The following DOCK8 variants were observed in gnomAD, a reference collection of about 807,000 sequenced individuals.
DOCK8 encodes dedicator of cytokinesis protein 8.
DOCK8 carries 141 observed loss-of-function variants against 245.6 expected under a neutral mutation model. That is an observed-to-expected ratio of 0.57 (90% CI 0.50 to 0.66). DOCK8 has a LOEUF of 0.66. Ranked by LOEUF, DOCK8 falls within the 30% of genes least tolerant of loss-of-function variation. DOCK8 has a pLI of 0.00. For synonymous variants in DOCK8, 1,168 were observed against 970.2 expected (o/e 1.20, Z -3.79); for missense variants, 2,965 against 2,603.4 (o/e 1.14, Z -3.02).
chr9:459,849 A>C (rs2057749540), intron 46 of DOCK8: 1 of 152,248 alleles, frequency 6.6e-6, no homozygotes, highest in African/African-American at 2.4e-5. Flanking sequence ...TAGACTTGTC[A>C]CAGGATGGTT....
At chr9:370,062 C>G (rs2053214754) in intron 15 of DOCK8, 168 bp from the exon 16 acceptor site, 2 of 670,524 alleles carry the variant, frequency 3.0e-6, no homozygotes, top group South Asian at 3.3e-5. Context: ...GCCGACCTCC[C>G]AGAGTGCTGA....
At chr9:225,003 A>G (rs1563820508) in intron 1 of DOCK8, among the ~76,000 whole-genome samples, 1 of 152,178 alleles carries the variant, frequency 6.6e-6, no homozygotes. Flanking sequence ...ACCTGGTCTC[A>G]CAGATCCCCT....
At chr9:398,358 G>A (rs747678293) in intron 25 of DOCK8, among the ~76,000 whole-genome samples, 2 of 152,210 alleles carry the variant, frequency 1.3e-5, no homozygotes, top group Non-Finnish European at 2.9e-5. Context: ...TGACTGGTCA[G>A]CATGGCCTGA....
At chr9:342,000 C>A (rs956017781) in intron 14 of DOCK8, among the ~76,000 whole-genome samples, 2 of 152,226 alleles carry the variant, frequency 1.3e-5, no homozygotes, top group African/African-American at 2.4e-5. Context: ...CAGATGGGAC[C>A]CTCTAATTGC....
intron 14 of DOCK8, among the ~76,000 whole-genome samples, chr9:343,866 T>TC (rs1176523277): frequency 2.2e-4 from 33 of 152,230 alleles, no homozygotes; most frequent in Non-Finnish European, 2.6e-4. Context: ...TTATTCAACT[T>TC]CCCCTCAGCA....
At chr9:429,095 G>T (rs960718490) in intron 35 of DOCK8, among the ~76,000 whole-genome samples, 2 of 152,168 alleles carry the variant, frequency 1.3e-5, no homozygotes, top group Non-Finnish European at 2.9e-5. Flanking sequence ...AGCCTCCTGA[G>T]TATTGGGATT....
chr9:425,388 C>T (rs1007024253), intron 33 of DOCK8, among the ~76,000 whole-genome samples: 18 of 151,948 alleles, frequency 1.2e-4, no homozygotes, highest in African/African-American at 2.9e-4. Flanking sequence ...AAAAAGTAGC[C>T]GGGCGCGGTG....
intron 1 of DOCK8, among the ~76,000 whole-genome samples, chr9:220,209 G>A (rs1244474547): frequency 3.9e-5 from 6 of 152,054 alleles, no homozygotes; most frequent in Non-Finnish European, 5.9e-5. Flanking sequence ...ATTTAGAATC[G>A]GTTCCTTCCA....
intron 45 of DOCK8, among the ~76,000 whole-genome samples, chr9:450,427 C>T (rs1317946499): frequency 6.6e-6 from 1 of 152,190 alleles, no homozygotes; most frequent in East Asian, 1.9e-4. Flanking sequence ...TCTTAGGCTA[C>T]TTCAGACAAG....
chr9:425,678 G>A (rs564047307), intron 33 of DOCK8, among the ~76,000 whole-genome samples: 4 of 150,788 alleles, frequency 2.7e-5, no homozygotes, highest in Admixed American at 6.6e-5. Context: ...CATCACTTGA[G>A]CCCAGGAGTT....
chr9:233,248 T>G (rs2047161281), intron 1 of DOCK8, among the ~76,000 whole-genome samples: 1 of 152,076 alleles, frequency 6.6e-6, no homozygotes, highest in East Asian at 1.9e-4. Context: ...TTGATTGCAC[T>G]GTGGTCTGAG....
Position 404,745 on chromosome 9 carries a change from A to C in DOCK8, c.3235-173A>C, listed in dbSNP as rs185539133. ...ACTAAGGGGAACAGTAATGAATGAA[A>C]ATTTATTAGACCTCTCTGTAATGCA... is the stretch of plus-strand genomic sequence containing the variant. On this transcript the variant is annotated intron_variant, in intron 26 of 47. Coordinates refer to ENST00000432829, the MANE Select transcript of DOCK8 (RefSeq NM_203447.4). Among the ~76,000 whole-genome samples, 76 of 152,296 alleles carry C rather than the reference A, an allele frequency of 5.0e-4. 2 individuals are homozygous for C. Among genetic ancestry groups the C allele is most frequent in the South Asian group, 2.1e-4 (1 of 4,828 alleles).
chr9:288,903 A>T (rs1027460775), intron 3 of DOCK8, among the ~76,000 whole-genome samples: 2 of 152,228 alleles, frequency 1.3e-5, no homozygotes, highest in Non-Finnish European at 2.9e-5. Flanking sequence ...GTACTAATGC[A>T]TTTGCAACAA....
intron 7 of DOCK8, among the ~76,000 whole-genome samples, chr9:323,196 T>G (rs557781961): frequency 6.7e-6 from 1 of 150,044 alleles, no homozygotes; most frequent in East Asian, 1.9e-4. Context: ...TGGTAAAATG[T>G]ATGTAACATA....
rs749523267 is a variant in DOCK8, at chr9:377,043, C to T, written c.2272C>T (p.Arg758Cys). Residue 758 changes from arginine to cysteine, a missense_variant, in exon 20 of 48, where the codon CGC becomes TGC. Coordinates refer to ENST00000432829, the MANE Select transcript of DOCK8 (RefSeq NM_203447.4). ...SLESQVTFPI[R>C]VLDQKISEMA... ...GGAGAGCCAGGTGACCTTCCCCATC[C>T]GCGTGCTGGATCAGAAAATCAGCGA... 38 of 1,613,900 alleles carry T rather than the reference C, an allele frequency of 2.4e-5. No individual in the cohort carries two copies. The African/African-American group carries it at 2.9e-4, about 12-fold the overall frequency.
intron 10 of DOCK8, 44 bp downstream of exon 10, chr9:332,522 A>C: frequency 7.0e-7 from 1 of 1,426,446 alleles, no homozygotes; most frequent in Non-Finnish European, 9.9e-7. Context: ...TCTTAGAAGA[A>C]GCAGGTATTT....
chr9:386,167 A>G (rs2053941572), intron 22 of DOCK8, among the ~76,000 whole-genome samples, 164 bp from the exon 23 acceptor site: 1 of 152,120 alleles, frequency 6.6e-6, no homozygotes, highest in African/African-American at 2.4e-5. Context: ...GTATAACTTC[A>G]CTGTCTTTGC....
intron 2 of DOCK8, among the ~76,000 whole-genome samples, chr9:275,210 C>T (rs1316034379): frequency 7.1e-6 from 1 of 141,756 alleles, no homozygotes; most frequent in Admixed American, 6.7e-5. Flanking sequence ...TAGTATTGCT[C>T]TCTTACGATT....
rs761208788 is a variant in DOCK8 at position 286,583 on chromosome 9, G to C, written c.279G>C (p.Val93=). The C allele has an allele frequency of 1.2e-6, 2 of 1,613,966 alleles. No individual in the cohort carries two copies. The highest frequency in any genetic ancestry group is 2.2e-5 in the South Asian group (2 of 91,078). Residue 93 remains valine (V), a synonymous_variant, in exon 3 of 48, where the codon GTG becomes GTC. Transcript: ENST00000432829. ...ACTTCACTGATGACGACTTGGACGT[G>C]GTGTTCACGCCAAAGGAATGTAGGA... is the stretch of plus-strand genomic sequence containing the variant. ...LGDFTDDDLD[V]VFTPKECRTL... is the part of the protein sequence containing the mutation.
Sources: gnomAD v4.1 joint callset for allele counts (sites outside exome capture counted in the v4.1 genomes callset) on GRCh38, gnomAD v4.1.1 for gene constraint, MANE v1.5 for transcripts, NCBI Gene and HGNC (gene_info 2026-07-23, HGNC 2026-07-21) for gene names.